Variants in NCOA6 observed in about 807,000 individuals in gnomAD.
The protein encoded by NCOA6 is nuclear receptor coactivator 6, also known as NRC RAP250.
Under a neutral mutation model 171.4 loss-of-function variants are expected in NCOA6, and 49 were observed. That is an observed-to-expected ratio of 0.29 (90% CI 0.23 to 0.36). NCOA6 has a LOEUF of 0.36. NCOA6 is among the 10% of genes least tolerant of loss of function. The probability of loss-of-function intolerance (pLI) is 1.00; values close to 1 mark genes in which losing one functional copy is unlikely to be tolerated. For synonymous variants in NCOA6, 910 were observed against 927.5 expected, an observed-to-expected ratio of 0.98 and a Z score of 0.34; for missense variants, 2,248 against 2,554.5, an observed-to-expected ratio of 0.88 and a Z score of 2.59.
intron 14 of NCOA6, among the ~76,000 whole-genome samples, chr20:34,726,909 T>G (rs919935688): frequency 6.6e-6 from 1 of 151,714 alleles, no homozygotes; most frequent in Non-Finnish European, 1.5e-5. Flanking sequence ...GAGCTGTGAT[T>G]GTGCCACTGC....
chr20:34,768,017 T>C (rs1367402337), intron 5 of NCOA6, among the ~76,000 whole-genome samples: 1 of 152,146 alleles, frequency 6.6e-6, no homozygotes. Context: ...AAATTCTAAA[T>C]ACATAAAAAC....
chr20:34,775,595 G>C (rs2077288117), intron 4 of NCOA6, among the ~76,000 whole-genome samples: 1 of 144,932 alleles, frequency 6.9e-6, no homozygotes, highest in Non-Finnish European at 1.5e-5. Context: ...TGAGGCAGGA[G>C]AATCACTTGA....
At chr20:34,795,920 T>C (rs2146383337) in intron 1 of NCOA6, among the ~76,000 whole-genome samples, 1 of 152,250 alleles carries the variant, frequency 6.6e-6, no homozygotes, top group Middle Eastern at 3.4e-3. Flanking sequence ...AAGGTAGATA[T>C]TACAAATATG....
At chr20:34,825,316 G>T (rs1276441241) in intron 1 of NCOA6, among the ~76,000 whole-genome samples, 156 bp downstream of exon 1, 1 of 150,888 alleles carries the variant, frequency 6.6e-6, no homozygotes, top group Admixed American at 6.6e-5. Context: ...GGGCGGCTCC[G>T]GGCCGGGCCC....
intron 10 of NCOA6, among the ~76,000 whole-genome samples, chr20:34,743,754 C>T (rs1443980010): frequency 6.6e-6 from 1 of 152,212 alleles, no homozygotes; most frequent in East Asian, 1.9e-4. Flanking sequence ...TTTCAATGTA[C>T]TTGTGAATGA....
intron 14 of NCOA6, among the ~76,000 whole-genome samples, 169 bp from the exon 15 acceptor site, chr20:34,715,534 G>T (rs1234524669): frequency 6.6e-6 from 1 of 152,182 alleles, no homozygotes; most frequent in Admixed American, 6.5e-5. Flanking sequence ...GATGACTTAC[G>T]TGGGAAGAGG....
chr20:34,728,848 C>T (rs1341895119), intron 13 of NCOA6, among the ~76,000 whole-genome samples: 2 of 152,160 alleles, frequency 1.3e-5, no homozygotes, highest in African/African-American at 4.8e-5. Flanking sequence ...GAAAAACTTA[C>T]CAACACAATG....
chr20:34,768,093 C>G (rs1209138715), intron 5 of NCOA6, among the ~76,000 whole-genome samples: 1 of 152,210 alleles, frequency 6.6e-6, no homozygotes, highest in African/African-American at 2.4e-5. Flanking sequence ...CACAGATATT[C>G]TCTGCCTCAG....
intron 1 of NCOA6, among the ~76,000 whole-genome samples, chr20:34,808,028 T>A (rs1363645935): frequency 2.0e-5 from 3 of 151,590 alleles, no homozygotes; most frequent in Non-Finnish European, 4.4e-5. Flanking sequence ...CAGGCGCCTG[T>A]AGTTCCAGCT....
At chr20:34,778,140 T>C (rs1454096820) in intron 3 of NCOA6, among the ~76,000 whole-genome samples, 1 of 152,142 alleles carries the variant, frequency 6.6e-6, no homozygotes, top group Non-Finnish European at 1.5e-5. Context: ...CCTGACCTCA[T>C]GATCGCCCGC....
At position 34,722,507 on chromosome 20, in the gene NCOA6, C is replaced by T. The variant is rs141073045; in HGVS notation, c.6148+4752G>A. ...TCAGCCTGGGCACACAGGGAGACCC[C>T]ATCTCTACAAAAAAATTAAAAAATT... On this transcript the variant is annotated intron_variant, in intron 14 of 14. Transcript: ENST00000359003. Among the ~76,000 whole-genome samples the T allele has an allele frequency of 9.9e-5, 15 of 151,828 alleles. No homozygotes were observed. In the East Asian group the frequency reaches 2.7e-3, roughly 27 times the overall value.
chr20:34,750,632 C>T (rs555787842), intron 8 of NCOA6, 113 bp from the exon 9 acceptor site: 1 of 1,163,144 alleles, frequency 8.6e-7, no homozygotes, highest in East Asian at 2.6e-5. Context: ...TATCCACTGA[C>T]CAACATAAAT....
intron 7 of NCOA6, among the ~76,000 whole-genome samples, chr20:34,756,591 T>A (rs2076648264): frequency 6.6e-6 from 1 of 152,172 alleles, no homozygotes; most frequent in Non-Finnish European, 1.5e-5. Flanking sequence ...CACATTAAGC[T>A]CCATTGCTTT....
intron 1 of NCOA6, among the ~76,000 whole-genome samples, chr20:34,817,144 AGC>A (rs1568901893): frequency 0.047 from 5,850 of 125,492 alleles, 1,208 homozygotes; most frequent in Non-Finnish European, 0.064. Context: ...AAAAAGCAAA[AGC>A]AAAAGCAAAA....
At chr20:34,744,056 G>T (rs2076231447) in intron 10 of NCOA6, among the ~76,000 whole-genome samples, 2 of 152,178 alleles carry the variant, frequency 1.3e-5, no homozygotes, top group African/African-American at 4.8e-5. Context: ...GCTAATGGAA[G>T]CTGATATACA....
intron 8 of NCOA6, among the ~76,000 whole-genome samples, chr20:34,751,068 G>T (rs140932599): frequency 2.0e-5 from 3 of 152,026 alleles, no homozygotes; most frequent in Non-Finnish European, 4.4e-5. Flanking sequence ...AAATAACTCT[G>T]CTATAAGAAT....
At chr20:34,731,488 C>T (rs2075777096) in intron 13 of NCOA6, among the ~76,000 whole-genome samples, 1 of 152,174 alleles carries the variant, frequency 6.6e-6, no homozygotes, top group African/African-American at 2.4e-5. Context: ...GATTTCTCAT[C>T]TATAAGACAG....
At position 34,820,178 on chromosome 20, in the gene NCOA6, TC is replaced by T. The variant is rs371826293; in HGVS notation, c.-164+5293del. 788 of 151,550 alleles carry T rather than the reference TC, an allele frequency of 5.2e-3. 7 individuals are homozygous for T. The highest frequency in any genetic ancestry group is 0.014 in the South Asian group (66 of 4,774). The allele number at this position is 151,550 out of a possible 1,614,324, so 9.4% of individuals were successfully genotyped here. A position where few individuals can be genotyped will look rare whatever the true frequency, so the allele number is the denominator to read the frequency against. On this transcript the variant is annotated intron_variant, in intron 1 of 14. Coordinates refer to ENST00000359003, the MANE Select transcript of NCOA6 (RefSeq NM_014071.5). ...TTGTGGACTGCTTGAGCTCAGGAGT[TC>T]CAGACTAGCCTGGGCAACATGGCGA...
chr20:34,750,547 A>C, intron 8 of NCOA6, 28 bp from the exon 9 acceptor site: 1 of 1,542,256 alleles, frequency 6.5e-7, no homozygotes, highest in East Asian at 2.3e-5. Context: ...TCACAGTTTC[A>C]GAAATAAATA....
Sources: gnomAD v4.1 joint callset for allele counts (sites outside exome capture counted in the v4.1 genomes callset) on GRCh38, gnomAD v4.1.1 for gene constraint, MANE v1.5 for transcripts, NCBI Gene and HGNC (gene_info 2026-07-23, HGNC 2026-07-21) for gene names.